Variants in GNAT3 observed in about 807,000 individuals in gnomAD.
The protein encoded by GNAT3 is G protein subunit alpha transducin 3.
Under a neutral mutation model 37.7 loss-of-function variants are expected in GNAT3, and 31 were observed. The ratio of observed to expected loss-of-function variants is 0.82; its 90% CI spans 0.62 to 1.11. GNAT3 has a LOEUF of 1.11. Among genes scored for constraint, GNAT3 ranks in the 50% most tolerant of loss-of-function variants. The probability of loss-of-function intolerance (pLI) is 0.00; values close to 1 mark genes in which losing one functional copy is unlikely to be tolerated. For missense variants in GNAT3, 437 were observed against 412.5 expected (o/e 1.06, Z -0.51); for synonymous variants, 138 against 139.8 (o/e 0.99, Z 0.09).
chr7:80,465,074 T>A (rs1008860802), intron 5 of GNAT3, among the ~76,000 whole-genome samples: 3 of 152,148 alleles, frequency 2.0e-5, no homozygotes, highest in Non-Finnish European at 4.4e-5. Flanking sequence ...ATTTAATTTT[T>A]AAAAATTAAA....
At chr7:80,487,983 G>A (rs1053682529) in intron 3 of GNAT3, among the ~76,000 whole-genome samples, 8 of 151,922 alleles carry the variant, frequency 5.3e-5, no homozygotes, top group African/African-American at 1.7e-4. Context: ...AAATAATTTT[G>A]TTGCTACCTT....
chr7:80,474,352 T>A lies in GNAT3; in HGVS notation c.489A>T (p.Thr163=). 1.3e-6 allele frequency: 2 copies of A among 1,550,526 alleles called. No individual in the cohort carries two copies. The highest frequency in any genetic ancestry group is 1.7e-6 in the Non-Finnish European group (2 of 1,143,470). Residue 163 remains threonine, a synonymous_variant, in exon 5 of 8, where the codon ACA becomes ACT. Transcript: ENST00000398291. The part of the protein sequence containing the change: ...AYYLNDLDRI[T]ASGYVPNEQD... ...GTTCATTTGGCACATACCCAGATGC[T>A]GTTATTCTATCTAAATCATTAAGGT...
rs1389122783 is a variant in GNAT3 at position 80,488,558 on chromosome 7, C to T, written c.280G>A (p.Asp94Asn). 6.2e-7 allele frequency: 1 copy of T among 1,601,390 alleles called. No homozygotes were observed. The highest frequency in any genetic ancestry group is 8.5e-7 in the Non-Finnish European group (1 of 1,172,796). The part of the protein sequence containing the change: ...IVKAMTTLGI[D>N]YVNPRSAEDQ... ...ACTGCACTTCTGGGATTTACATAAT[C>T]AATTCCAAGGGTAGTCATGGCTTTC... The change falls in exon 3 of 8, where the codon GAT (aspartate) becomes AAT (asparagine). Residue 94 changes from aspartate to asparagine, a missense_variant. Physicochemically the swap from Asp to Asn is conservative, Grantham distance 23. Transcript: ENST00000398291.
Position 80,507,590 on chromosome 7 carries a change from G to T in GNAT3, c.118+4219C>A, listed in dbSNP as rs115404636. ...TCTGAGTTTATGTGGCTAGCCTAAG[G>T]TCACTCTGGGAAGTACAAAACGCAT... is the stretch of plus-strand genomic sequence containing the variant. On this transcript the variant is annotated intron_variant, in intron 1 of 7. Transcript: ENST00000398291. 5.5e-3 allele frequency among the ~76,000 whole-genome samples: 833 copies of T among 151,986 alleles called. 4 individuals are homozygous for T. The highest frequency in any genetic ancestry group is 9.4e-3 in the African/African-American group (391 of 41,510).
chr7:80,506,066 C>A, intron 1 of GNAT3, among the ~76,000 whole-genome samples: 1 of 152,154 alleles, frequency 6.6e-6, no homozygotes, highest in Non-Finnish European at 1.5e-5. Flanking sequence ...GTTTTGCTAC[C>A]TTTCCTTTCT....
intron 1 of GNAT3, among the ~76,000 whole-genome samples, chr7:80,498,737 C>T (rs1362073522): frequency 6.6e-6 from 1 of 151,984 alleles, no homozygotes; most frequent in African/African-American, 2.4e-5. Context: ...GTGGTCATCG[C>T]TAATATTAGT....
At chr7:80,509,751 G>T (rs1045696991) in intron 1 of GNAT3, among the ~76,000 whole-genome samples, 5 of 151,862 alleles carry the variant, frequency 3.3e-5, no homozygotes, top group African/African-American at 1.2e-4. Flanking sequence ...TCTTTCTTTT[G>T]TCCATCATTA....
chr7:80,475,215 T>G (rs1276055979), intron 4 of GNAT3, among the ~76,000 whole-genome samples: 1 of 151,800 alleles, frequency 6.6e-6, no homozygotes. Flanking sequence ...GAATATGGTG[T>G]TTTTTTCCCC....
intron 2 of GNAT3, among the ~76,000 whole-genome samples, chr7:80,493,670 C>T (rs1402302886): frequency 8.1e-6 from 1 of 123,676 alleles, no homozygotes; most frequent in African/African-American, 3.4e-5. Flanking sequence ...TCCTCCTCCT[C>T]TTTCCTCCTC....
intron 2 of GNAT3, among the ~76,000 whole-genome samples, chr7:80,492,399 A>C (rs1206759191): frequency 2.0e-5 from 3 of 151,694 alleles, no homozygotes; most frequent in African/African-American, 7.2e-5. Context: ...ATGTTAATGC[A>C]ATTTTGTAAC....
At chr7:80,474,445 A>T in intron 4 of GNAT3, 66 bp from the exon 5 acceptor site, 21 of 659,926 alleles carry the variant, frequency 3.2e-5, no homozygotes, top group Non-Finnish European at 5.1e-5. Context: ...ATATATGTAT[A>T]TATACACACA....
intron 1 of GNAT3, among the ~76,000 whole-genome samples, chr7:80,501,980 G>T (rs1790841843): frequency 6.6e-6 from 1 of 151,834 alleles, no homozygotes; most frequent in Non-Finnish European, 1.5e-5. Flanking sequence ...CCTTTTTAAT[G>T]ATCTTTTATT....
At chr7:80,476,925 GAA>G (rs1247993467) in intron 4 of GNAT3, among the ~76,000 whole-genome samples, 2 of 151,854 alleles carry the variant, frequency 1.3e-5, no homozygotes, top group Admixed American at 1.3e-4. Context: ...AAGACCCAGG[GAA>G]AATGAGCTTT....
At chr7:80,464,896 T>C (rs1308682251) in intron 5 of GNAT3, among the ~76,000 whole-genome samples, 1 of 152,108 alleles carries the variant, frequency 6.6e-6, no homozygotes, top group Non-Finnish European at 1.5e-5. Context: ...TTGAAGATAA[T>C]GGTTAAGAGT....
At chr7:80,510,902 C>T (rs994728966) in intron 1 of GNAT3, among the ~76,000 whole-genome samples, 13 of 151,908 alleles carry the variant, frequency 8.6e-5, no homozygotes, top group Non-Finnish European at 1.8e-4. Context: ...GAAATATGCA[C>T]GATTCTGAAA....
intron 1 of GNAT3, among the ~76,000 whole-genome samples, chr7:80,506,189 G>A (rs1037962691): frequency 7.2e-5 from 11 of 151,956 alleles, no homozygotes; most frequent in African/African-American, 2.7e-4. Context: ...GAAAATATGC[G>A]AATATAAATA....
rs767060552 is a variant in GNAT3 at position 80,458,724 on chromosome 7, C to T, written c.1012G>A (p.Ala338Thr). 4.4e-6 allele frequency: 7 copies of T among 1,597,686 alleles called. No homozygotes were observed. Among genetic ancestry groups the T allele is most frequent in the Non-Finnish European group, 6.0e-6 (7 of 1,171,320 alleles). The change falls in exon 8 of 8, where the codon GCA becomes ACA. Residue 338 changes from alanine (A) to threonine (T), a missense_variant. Physicochemically the swap from Ala to Thr is moderately conservative, Grantham distance 58. Transcript: ENST00000398291. ...DTQNVKFVFDAVTDIIIKENL... is the reference protein window; with the variant it reads ...DTQNVKFVFDTVTDIIIKENL... ...TCTTTGATTATTATATCTGTAACTG[C>T]GTCAAACACAAACTTGACATTTTGG...
At chr7:80,477,506 A>C (rs1340849093) in intron 4 of GNAT3, among the ~76,000 whole-genome samples, 2 of 152,144 alleles carry the variant, frequency 1.3e-5, no homozygotes. Flanking sequence ...ACTCCTCCAA[A>C]AGCAATGTGC....
chr7:80,474,084 A>G lies in GNAT3; in HGVS notation c.590+167T>C, dbSNP rs74776816. On this transcript the variant is annotated intron_variant, in intron 5 of 7. Coordinates refer to ENST00000398291, the MANE Select transcript of GNAT3 (RefSeq NM_001102386.3). ...GCTCAGGATGAGAGGCTGGGGTGAG[A>G]GGCTATAGAAGGACAGTAAAGGACA... Among the ~76,000 whole-genome samples the G allele has an allele frequency of 1.5e-3, 226 of 152,248 alleles. 3 individuals carry two copies. In the East Asian group the frequency reaches 0.039, roughly 26 times the overall value.
Sources: gnomAD v4.1 joint callset for allele counts (sites outside exome capture counted in the v4.1 genomes callset) on GRCh38, gnomAD v4.1.1 for gene constraint, MANE v1.5 for transcripts, NCBI Gene and HGNC (gene_info 2026-07-23, HGNC 2026-07-21) for gene names.